SH3D19: variants seen among roughly 807,000 people sequenced by gnomAD.
SH3D19 encodes SH3 domain-containing protein 19.
A neutral mutation model predicts 112.1 loss-of-function variants in SH3D19; 58 were observed. The ratio of observed to expected loss-of-function variants is 0.52; its 90% confidence interval spans 0.42 to 0.64. The LOEUF (loss-of-function observed/expected upper bound fraction) is 0.64. Among genes scored for constraint, SH3D19 ranks in the 30% least tolerant of loss-of-function variants. The pLI, the probability that SH3D19 is intolerant of heterozygous loss-of-function variation, is 0.00. For synonymous variants in SH3D19, 391 were observed against 448.5 expected (o/e 0.87, Z 1.62); for missense variants, 1,090 against 1,263.4 (o/e 0.86, Z 2.08).
At chr4:151,245,011 G>T (rs1181354596) in intron 1 of SH3D19, among the ~76,000 whole-genome samples, 1 of 152,022 alleles carries the variant, frequency 6.6e-6, no homozygotes, top group African/African-American at 2.4e-5. Flanking sequence ...GGGTGTGGTG[G>T]CACACACCTG....
At chr4:151,291,394 G>T (rs1775326425) in intron 1 of SH3D19, 1 of 1,614,036 alleles carries the variant, frequency 6.2e-7, no homozygotes, top group Non-Finnish European at 8.5e-7. Context: ...AGCTGAAGCT[G>T]TTGCTTGCAT....
chr4:151,317,883 T>C (rs1372664403), intron 1 of SH3D19, among the ~76,000 whole-genome samples: 1 of 151,810 alleles, frequency 6.6e-6, no homozygotes, highest in African/African-American at 2.4e-5. Flanking sequence ...TGAGACTACT[T>C]GGGAGGCTGA....
intron 11 of SH3D19, among the ~76,000 whole-genome samples, chr4:151,146,898 A>G (rs1398939990): frequency 2.0e-5 from 3 of 152,238 alleles, no homozygotes; most frequent in African/African-American, 7.2e-5. Context: ...AAACATTAAA[A>G]GAGAACAAAA....
intron 9 of SH3D19, among the ~76,000 whole-genome samples, chr4:151,155,700 A>G (rs1755974209): frequency 6.6e-6 from 1 of 152,202 alleles, no homozygotes; most frequent in Non-Finnish European, 1.5e-5. Context: ...AGCCTGGCCA[A>G]CATGATAAAA....
rs1750868981 is a variant in SH3D19 at position 151,132,213 on chromosome 4, TTTG to T, written c.2742+115_2742+117del. ...ACCATCTAAGAATTTATTACAAACA[TTTG>T]TTGTATGAATTGAAAAATTAATTCA... On this transcript the variant is annotated intron_variant, in intron 17 of 19. Coordinates refer to ENST00000604030, the MANE Select transcript of SH3D19 (RefSeq NM_001378122.1). 6 of 782,032 alleles carry T rather than the reference TTTG, an allele frequency of 7.7e-6. No individual in the cohort carries two copies. The South Asian group carries it at 1.1e-4, about 14-fold the overall frequency. The allele number at this position is 782,032 out of a possible 1,614,324, so 48.4% of individuals were successfully genotyped here.
intron 3 of SH3D19, among the ~76,000 whole-genome samples, chr4:151,185,223 G>A (rs529254267): frequency 1.3e-5 from 2 of 152,016 alleles, no homozygotes; most frequent in Non-Finnish European, 2.9e-5. Context: ...AGGGAACAAA[G>A]TGCAGGAGCC....
In SH3D19 at chr4:151,132,920, C is replaced by T. The variant is rs980402233; in HGVS notation, c.2689+114G>A. Reference sequence around the variant, plus strand: ...AAATTCCCATTTTAAAATCAGTTTTCCTTCTACCGTAAAAATATGGCAATA... The same window carrying T: ...AAATTCCCATTTTAAAATCAGTTTTTCTTCTACCGTAAAAATATGGCAATA... On this transcript the variant is annotated intron_variant, in intron 16 of 19. Transcript: ENST00000604030. 5 of 907,088 alleles carry T rather than the reference C, an allele frequency of 5.5e-6. No individual in the cohort carries two copies. In the African/African-American group the frequency reaches 8.5e-5, roughly 15 times the overall value. The allele number at this position is 907,088 out of a possible 1,614,324, so 56.2% of individuals were successfully genotyped here.
chr4:151,284,211 CTTGTT>C (rs951021066), intron 1 of SH3D19, among the ~76,000 whole-genome samples: 3 of 152,138 alleles, frequency 2.0e-5, no homozygotes, highest in African/African-American at 7.2e-5. Flanking sequence ...AAACCATAAA[CTTGTT>C]AAGTTATACC....
intron 1 of SH3D19, among the ~76,000 whole-genome samples, chr4:151,319,062 C>A (rs112983124): frequency 0.023 from 3,505 of 152,172 alleles, 69 homozygotes; most frequent in Non-Finnish European, 0.035. Context: ...TCTTTTATTT[C>A]TTTTTGAGAC....
intron 1 of SH3D19, among the ~76,000 whole-genome samples, chr4:151,259,288 A>G (rs1038567441): frequency 2.0e-5 from 3 of 152,214 alleles, no homozygotes; most frequent in Non-Finnish European, 4.4e-5. Flanking sequence ...ATGAGGATGA[A>G]CCAGAGAATC....
At chr4:151,235,991 C>G (rs1210491212) in intron 1 of SH3D19, among the ~76,000 whole-genome samples, 1 of 152,228 alleles carries the variant, frequency 6.6e-6, no homozygotes, top group Non-Finnish European at 1.5e-5. Flanking sequence ...ACTCCAACTG[C>G]TATAGGGCCA....
intron 1 of SH3D19, among the ~76,000 whole-genome samples, chr4:151,254,894 C>T (rs894907173): frequency 6.6e-6 from 1 of 150,560 alleles, no homozygotes; most frequent in South Asian, 2.1e-4. Flanking sequence ...CCAGTAGGGG[C>T]GGCCGGGCAG....
intron 17 of SH3D19, 29 bp downstream of exon 17, chr4:151,132,302 C>A (rs1030942158): frequency 5.0e-6 from 8 of 1,603,884 alleles, no homozygotes; most frequent in Non-Finnish European, 6.0e-6. Flanking sequence ...ACCTGGCTGT[C>A]ACTATAGTCA....
At chr4:151,210,974 C>A (rs1366022652) in intron 2 of SH3D19, among the ~76,000 whole-genome samples, 1 of 152,072 alleles carries the variant, frequency 6.6e-6, no homozygotes, top group East Asian at 1.9e-4. Flanking sequence ...CCAGGCTTAA[C>A]CCCCATCTCA....
intron 12 of SH3D19, chr4:151,140,988 G>A (rs942101000): frequency 6.6e-6 from 1 of 152,138 alleles, no homozygotes; most frequent in African/African-American, 2.4e-5. Flanking sequence ...TATAACTTAA[G>A]ACTCTAATGG....
rs545873841 is a variant in SH3D19 at position 151,215,992 on chromosome 4, G to A, written c.152+10055C>T. Among the ~76,000 whole-genome samples, 16 of 152,136 alleles carry A rather than the reference G, an allele frequency of 1.1e-4. No individual in the cohort carries two copies. The East Asian group carries it at 2.9e-3, about 28-fold the overall frequency. Reference sequence around the variant, plus strand: ...ATTACAGGCGCATGCCACCATGCCCGGCTAATTTTTGTATTTTTAGTAGAG... The same window carrying A: ...ATTACAGGCGCATGCCACCATGCCCAGCTAATTTTTGTATTTTTAGTAGAG... On this transcript the variant is annotated intron_variant, in intron 2 of 19. Coordinates refer to ENST00000604030, the MANE Select transcript of SH3D19 (RefSeq NM_001378122.1).
chr4:151,247,859 T>C (rs1200600855), intron 1 of SH3D19, among the ~76,000 whole-genome samples: 1 of 152,230 alleles, frequency 6.6e-6, no homozygotes, highest in Non-Finnish European at 1.5e-5. Flanking sequence ...ACAAATAGTA[T>C]AATTTTCTTA....
At chr4:151,265,404 T>C (rs1580356443) in intron 1 of SH3D19, among the ~76,000 whole-genome samples, 1 of 147,174 alleles carries the variant, frequency 6.8e-6, no homozygotes, top group South Asian at 2.2e-4. Flanking sequence ...TGGATCTAGA[T>C]AGTGGAGCCA....
At chr4:151,223,003 CTTT>C (rs33925824) in intron 2 of SH3D19, among the ~76,000 whole-genome samples, 1,387 of 115,772 alleles carry the variant, frequency 0.012, 10 homozygotes, top group Middle Eastern at 0.052. Context: ...TTCTCCCAGC[CTTT>C]TTTTTTTTTT....
Sources: gnomAD v4.1 joint callset for allele counts (sites outside exome capture counted in the v4.1 genomes callset) on GRCh38, gnomAD v4.1.1 for gene constraint, MANE v1.5 for transcripts, NCBI Gene and HGNC (gene_info 2026-07-23, HGNC 2026-07-21) for gene names.